The following POPDC1 variants were observed in gnomAD, a reference collection of about 807,000 sequenced individuals.
POPDC1 encodes popeye domain cAMP effector 1, also known as popeye domain-containing protein 1.
chr6:105,129,474 G>C, the POPDC1 span: 4 of 1,612,412 alleles, frequency 2.5e-6, no homozygotes, highest in Non-Finnish European at 3.4e-6. Context: ...CATCGGTAGA[G>C]AGTGGCCCAG....
At chr6:105,124,197 A>C in the POPDC1 span, among the ~76,000 whole-genome samples, 1 of 152,034 alleles carries the variant, frequency 6.6e-6, no homozygotes, top group African/African-American at 2.4e-5. Context: ...CCTGGCTAAC[A>C]TGGTGAAACC....
the POPDC1 span, among the ~76,000 whole-genome samples, chr6:105,108,597 C>A: frequency 6.6e-6 from 1 of 152,052 alleles, no homozygotes; most frequent in African/African-American, 2.4e-5. Context: ...GGCAATGAAA[C>A]AACTTTAGGG....
At chr6:105,133,207 T>C in the POPDC1 span, 16 of 643,414 alleles carry the variant, frequency 2.5e-5, no homozygotes, top group South Asian at 2.0e-4. Flanking sequence ...TCTAAGCTAA[T>C]TGATATACTG....
chr6:105,119,261 C>G, the POPDC1 span, among the ~76,000 whole-genome samples: 11 of 151,020 alleles, frequency 7.3e-5, no homozygotes, highest in Admixed American at 1.3e-4. Flanking sequence ...CCCACCAGGT[C>G]AAAATCTACC....
chr6:105,102,910 C>G, the POPDC1 span, among the ~76,000 whole-genome samples: 1 of 152,162 alleles, frequency 6.6e-6, no homozygotes, highest in African/African-American at 2.4e-5. Context: ...CAGACATTTA[C>G]AGCAAAAATA....
At chr6:105,109,834 A>T in the POPDC1 span, among the ~76,000 whole-genome samples, 1 of 150,372 alleles carries the variant, frequency 6.7e-6, no homozygotes, top group Admixed American at 6.7e-5. Flanking sequence ...CACTGTGGTT[A>T]ACAACTGTTT....
At chr6:105,107,833 T>C in the POPDC1 span, among the ~76,000 whole-genome samples, 2 of 152,220 alleles carry the variant, frequency 1.3e-5, no homozygotes, top group African/African-American at 2.4e-5. Flanking sequence ...AAGAATTCTT[T>C]TCCTGTCTTT....
chr6:105,135,745 G>A, the POPDC1 span, among the ~76,000 whole-genome samples: 1 of 151,958 alleles, frequency 6.6e-6, no homozygotes, highest in Non-Finnish European at 1.5e-5. Context: ...ATAGATATAT[G>A]TATCTATATA....
At chr6:105,102,657 A>C in the POPDC1 span, among the ~76,000 whole-genome samples, 1 of 152,174 alleles carries the variant, frequency 6.6e-6, no homozygotes, top group Non-Finnish European at 1.5e-5. Flanking sequence ...GGATATTCTT[A>C]GGATCTGCTC....
chr6:105,109,938 T>A, the POPDC1 span, among the ~76,000 whole-genome samples: 3,957 of 151,888 alleles, frequency 0.026, 159 homozygotes, highest in African/African-American at 0.092. Context: ...CCATGTGATA[T>A]CTATGTATAT....
the POPDC1 span, chr6:105,136,924 C>G: frequency 6.6e-6 from 1 of 152,324 alleles, no homozygotes; most frequent in Non-Finnish European, 1.5e-5. Context: ...GCACACAACC[C>G]GGCGCGGGGG....
the POPDC1 span, chr6:105,099,900 C>T: frequency 6.6e-6 from 1 of 152,392 alleles, no homozygotes; most frequent in African/African-American, 2.4e-5. Context: ...CCCTGTCCTC[C>T]CACCCTACAT....
chr6:105,111,714 C>A, the POPDC1 span, among the ~76,000 whole-genome samples: 2 of 152,160 alleles, frequency 1.3e-5, no homozygotes, highest in South Asian at 2.1e-4. Flanking sequence ...GGAGTAGAGA[C>A]CTTGCTGTGG....
At chr6:105,132,006 G>A in the POPDC1 span, among the ~76,000 whole-genome samples, 5 of 144,942 alleles carry the variant, frequency 3.4e-5, no homozygotes, top group African/African-American at 7.8e-5. Flanking sequence ...TAGCTCTGTC[G>A]CCAGGTTGGA....
At chr6:105,128,063 T>C in the POPDC1 span, among the ~76,000 whole-genome samples, 1 of 152,284 alleles carries the variant, frequency 6.6e-6, no homozygotes, top group Non-Finnish European at 1.5e-5. Context: ...CCTTGCCTAA[T>C]ACTTTTCCTC....
the POPDC1 span, among the ~76,000 whole-genome samples, chr6:105,108,475 CCACT>C: frequency 6.6e-6 from 1 of 152,074 alleles, no homozygotes; most frequent in African/African-American, 2.4e-5. Flanking sequence ...TAGAGGACAA[CCACT>C]CAGAGACTTG....
At chr6:105,135,846 G>A in the POPDC1 span, among the ~76,000 whole-genome samples, 143 of 152,236 alleles carry the variant, frequency 9.4e-4, no homozygotes, top group African/African-American at 3.3e-3. Context: ...TAATCGTTAA[G>A]TGGCTTACAC....
At chr6:105,121,268 CTTTT>C in the POPDC1 span, among the ~76,000 whole-genome samples, 2 of 142,596 alleles carry the variant, frequency 1.4e-5, no homozygotes, top group Non-Finnish European at 1.5e-5. Flanking sequence ...CTACTTTTAT[CTTTT>C]TTTTTTTTTT....
At chr6:105,116,790 G>C in the POPDC1 span, 1 of 1,612,768 alleles carries the variant, frequency 6.2e-7, no homozygotes, top group Non-Finnish European at 8.5e-7. Flanking sequence ...TACAAGAAAG[G>C]TTCTGATTCC....
Sources: gnomAD v4.1 joint callset for allele counts (sites outside exome capture counted in the v4.1 genomes callset) on GRCh38, gnomAD v4.1.1 for gene constraint, MANE v1.5 for transcripts, NCBI Gene and HGNC (gene_info 2026-07-23, HGNC 2026-07-21) for gene names.